ARHGAP39: variants seen among roughly 807,000 people sequenced by gnomAD.
ARHGAP39 encodes the protein Rho GTPase activating protein 39, also known as rho GTPase-activating protein 39.
In ARHGAP39, 44 loss-of-function variants were observed where a neutral mutation model predicts 106.9. The ratio of observed to expected loss-of-function variants is 0.41; its 90% confidence interval spans 0.32 to 0.53. The LOEUF (loss-of-function observed/expected upper bound fraction) is 0.53. ARHGAP39 is among the 20% of genes least tolerant of loss of function. The pLI, the probability that ARHGAP39 is intolerant of heterozygous loss-of-function variation, is 0.21. For missense variants in ARHGAP39, 1,496 were observed against 1,577.3 expected, an observed-to-expected ratio of 0.95 and a Z score of 0.87; for synonymous variants, 768 against 693.2, an observed-to-expected ratio of 1.11 and a Z score of -1.69.
At chr8:144,537,549 G>T (rs1430982488) in intron 7 of ARHGAP39, among the ~76,000 whole-genome samples, 172 bp downstream of exon 7, 1 of 152,172 alleles carries the variant, frequency 6.6e-6, no homozygotes, top group Admixed American at 6.5e-5. Context: ...CCGCTCCAGG[G>T]GTCCAGTCAG....
intron 1 of ARHGAP39, among the ~76,000 whole-genome samples, chr8:144,673,252 C>T (rs1307775968): frequency 6.6e-6 from 1 of 151,328 alleles, no homozygotes; most frequent in Non-Finnish European, 1.5e-5. Context: ...AGAAACTGAT[C>T]AGGGACTCAT....
At chr8:144,584,463 A>G (rs1371957584) in intron 2 of ARHGAP39, among the ~76,000 whole-genome samples, 4 of 146,370 alleles carry the variant, frequency 2.7e-5, no homozygotes, top group Non-Finnish European at 4.5e-5. Flanking sequence ...TGGGAGCTCT[A>G]TCTTAAATTG....
chr8:144,606,000 T>C (rs1820277566), intron 1 of ARHGAP39, among the ~76,000 whole-genome samples: 1 of 152,106 alleles, frequency 6.6e-6, no homozygotes, highest in Non-Finnish European at 1.5e-5. Flanking sequence ...AAGCCAAGCA[T>C]GGGGGGACCG....
upstream of ARHGAP39, among the ~76,000 whole-genome samples, chr8:144,688,267 C>A (rs757776244): frequency 6.6e-6 from 1 of 152,026 alleles, no homozygotes; most frequent in East Asian, 1.9e-4. Flanking sequence ...CAACTCCTGG[C>A]TAATTTTTTG....
At chr8:144,690,240 G>A (rs148936427), upstream of ARHGAP39, among the ~76,000 whole-genome samples, 805 of 152,154 alleles carry the variant, frequency 5.3e-3, no homozygotes, top group Non-Finnish European at 7.8e-3. Flanking sequence ...AGCCTCCCCA[G>A]AAGCTGAGAT....
At chr8:144,535,654 G>C (rs1278528288) in intron 7 of ARHGAP39, among the ~76,000 whole-genome samples, 1 of 152,212 alleles carries the variant, frequency 6.6e-6, no homozygotes, top group Non-Finnish European at 1.5e-5. Flanking sequence ...CCTGCTTGCT[G>C]TCCCTGCGGG....
rs771671583 is a variant in ARHGAP39 at position 144,548,015 on chromosome 8, G to A, written c.1071C>T (p.Leu357=). The part of the protein sequence containing the change: ...RSPGRKPRPF[L]QPNKQGPPSP... Reference sequence around the variant, plus strand: ...AGGGGGGGCCCTGCTTGTTGGGCTGGAGGAACGGCCGGGGCTTACGGCCCG... The same window carrying A: ...AGGGGGGGCCCTGCTTGTTGGGCTGAAGGAACGGCCGGGGCTTACGGCCCG... Residue 357 remains leucine, a synonymous_variant, in exon 5 of 12, where the codon CTC becomes CTT. Coordinates refer to ENST00000377307, the MANE Select transcript of ARHGAP39 (RefSeq NM_025251.3). This position sits in a 1 kb window ranked among gnomAD's most constrained non-coding sequence, Gnocchi z 7.4. 5 of 1,609,724 alleles carry A rather than the reference G, an allele frequency of 3.1e-6. No individual in the cohort carries two copies. Among genetic ancestry groups the A allele is most frequent in the Admixed American group, 1.7e-5 (1 of 59,846 alleles).
At position 144,645,862 on chromosome 8, in the gene ARHGAP39, C is replaced by T. The variant is rs779832930; in HGVS notation, c.-82+39824G>A. 5.2e-4 allele frequency among the ~76,000 whole-genome samples: 79 copies of T among 152,346 alleles called. No homozygotes were observed. The highest frequency in any genetic ancestry group is 1.2e-4 in the African/African-American group (5 of 41,576). On this transcript the variant is annotated intron_variant, in intron 1 of 11. Transcript: ENST00000377307. The surrounding 1 kb of genome is among the most constrained non-coding windows in gnomAD (Gnocchi z 4.4). ...CTGGGGGCAGCAGGGAGGACAGAGA[C>T]ACCTGCAGATGCTCCCGGATGGAGC...
At position 144,665,632 on chromosome 8, in the gene ARHGAP39, C is replaced by T. The variant is rs557747207; in HGVS notation, c.-82+20054G>A. Among the ~76,000 whole-genome samples, 60 of 152,330 alleles carry T rather than the reference C, an allele frequency of 3.9e-4. 1 individual carries two copies. Among genetic ancestry groups the T allele is most frequent in the African/African-American group, 1.1e-3 (44 of 41,582 alleles). On this transcript the variant is annotated intron_variant, in intron 1 of 11. Transcript: ENST00000377307. ...AGAGACCAACATAAAGCTCAGGCTG[C>T]GGCTTCAGAGGGTGGAAGCTCCAGG...
At chr8:144,581,952 C>T (rs1563686264) in intron 2 of ARHGAP39, among the ~76,000 whole-genome samples, 1 of 152,190 alleles carries the variant, frequency 6.6e-6, no homozygotes, top group Non-Finnish European at 1.5e-5. Context: ...AGCAAAGATG[C>T]TGCCAGGAGG....
rs143484893 is a variant in ARHGAP39, at chr8:144,544,635, C to T, written c.2521+614G>A. Among the ~76,000 whole-genome samples the T allele has an allele frequency of 2.2e-4, 34 of 152,384 alleles. No homozygotes were observed. The Middle Eastern group carries it at 0.014, about 61-fold the overall frequency. On this transcript the variant is annotated intron_variant, in intron 6 of 11. Coordinates refer to ENST00000377307, the MANE Select transcript of ARHGAP39 (RefSeq NM_025251.3). The stretch of plus-strand genomic sequence containing the variant: ...CCTGGGCCCAGCACACCTGAAGCAT[C>T]GTCTTGGAGAGCCCTGGGCAGACTC...
At chr8:144,534,924 A>G (rs1345064823) in intron 7 of ARHGAP39, among the ~76,000 whole-genome samples, 1 of 152,154 alleles carries the variant, frequency 6.6e-6, no homozygotes, top group East Asian at 1.9e-4. Flanking sequence ...AAGGTGCTAG[A>G]GGGGAGAGGA....
intron 1 of ARHGAP39, among the ~76,000 whole-genome samples, chr8:144,609,397 C>CTTTTTTT (rs779442641): frequency 8.2e-6 from 1 of 121,328 alleles, no homozygotes; most frequent in Admixed American, 8.8e-5. Context: ...ATGTATTGTC[C>CTTTTTTT]TTTTTTTTTT....
chr8:144,652,103 T>A (rs1169619632), intron 1 of ARHGAP39, among the ~76,000 whole-genome samples: 1 of 151,836 alleles, frequency 6.6e-6, no homozygotes, highest in Non-Finnish European at 1.5e-5. Flanking sequence ...GCACAGCAAA[T>A]GAAACTATCA....
At chr8:144,600,724 G>A (rs1408816403) in intron 2 of ARHGAP39, among the ~76,000 whole-genome samples, 1 of 147,792 alleles carries the variant, frequency 6.8e-6, no homozygotes, top group African/African-American at 2.5e-5. Flanking sequence ...GTGTACCTGA[G>A]TGTGCGTGTT....
intron 6 of ARHGAP39, among the ~76,000 whole-genome samples, chr8:144,542,594 C>T (rs1817239093): frequency 6.6e-6 from 1 of 152,128 alleles, no homozygotes; most frequent in African/African-American, 2.4e-5. Context: ...TCTTCTCTTC[C>T]TTCCTGCTTT....
chr8:144,674,334 G>A (rs545078747), intron 1 of ARHGAP39, among the ~76,000 whole-genome samples: 6 of 152,294 alleles, frequency 3.9e-5, no homozygotes, highest in African/African-American at 7.2e-5. Context: ...GCTCCTTTCC[G>A]CATACGGGTT....
At chr8:144,695,115 C>T in the ARHGAP39 span, among the ~76,000 whole-genome samples, 1 of 142,862 alleles carries the variant, frequency 7.0e-6, no homozygotes, top group African/African-American at 2.6e-5. Context: ...CCCTCTGTGG[C>T]CCAGGCTGAA....
rs113974815 is a variant in ARHGAP39 at position 144,548,883 on chromosome 8, G to A, written c.597-394C>T. 1.6e-4 allele frequency among the ~76,000 whole-genome samples: 25 copies of A among 152,168 alleles called. No individual in the cohort carries two copies. The highest frequency in any genetic ancestry group is 5.3e-4 in the African/African-American group (22 of 41,438). On this transcript the variant is annotated intron_variant, in intron 4 of 11. Transcript: ENST00000377307. The surrounding 1 kb of genome is among the most constrained non-coding windows in gnomAD (Gnocchi z 7.4). ...CCTGCTGAGCAGTGGCGTTGGACCC[G>A]TCCCAGTGGTCCAGGTGAGCCCAGC... is the stretch of plus-strand genomic sequence containing the variant.
Sources: gnomAD v4.1 joint callset for allele counts (sites outside exome capture counted in the v4.1 genomes callset) on GRCh38, gnomAD v4.1.1 for gene constraint, Gnocchi (gnomAD v3.1) non-coding constraint, MANE v1.5 for transcripts, NCBI Gene and HGNC (gene_info 2026-07-23, HGNC 2026-07-21) for gene names.